BCL2: variants seen among roughly 807,000 people sequenced by gnomAD.
BCL2 encodes the protein BCL2 apoptosis regulator.
BCL2 carries 1 observed loss-of-function variant against 14.2 expected under a neutral mutation model. The ratio of observed to expected loss-of-function variants is 0.07; its 90% CI spans 0.02 to 0.33. BCL2 has a LOEUF of 0.33. Ranked by LOEUF, BCL2 falls within the 10% of genes least tolerant of loss-of-function variation. The pLI is 0.99. For synonymous variants in BCL2, 151 were observed against 137.2 expected, an observed-to-expected ratio of 1.10 and a Z score of -0.70; for missense variants, 247 against 305.9, an observed-to-expected ratio of 0.81 and a Z score of 1.44.
At chr18:63,169,332 C>CTTCCTTT (rs1555697348) in intron 2 of BCL2, among the ~76,000 whole-genome samples, 1 of 35,766 alleles carries the variant, frequency 2.8e-5, no homozygotes, top group Non-Finnish European at 4.3e-5. Flanking sequence ...TCTTTCCTTT[C>CTTCCTTT]CTTCCTTTCT....
chr18:63,188,114 T>C (rs1446590997), intron 2 of BCL2, among the ~76,000 whole-genome samples: 1 of 152,196 alleles, frequency 6.6e-6, no homozygotes, highest in Non-Finnish European at 1.5e-5. Flanking sequence ...GAGTGGAAAA[T>C]GCTAGCAAGC....
At chr18:63,246,409 T>G (rs1471039716) in intron 2 of BCL2, among the ~76,000 whole-genome samples, 2 of 152,292 alleles carry the variant, frequency 1.3e-5, no homozygotes, top group Non-Finnish European at 1.5e-5. Flanking sequence ...ACTGTGTAAT[T>G]TATAAAGAAA....
At chr18:63,175,134 C>G (rs1215829964) in intron 2 of BCL2, among the ~76,000 whole-genome samples, 2 of 152,160 alleles carry the variant, frequency 1.3e-5, no homozygotes, top group East Asian at 3.9e-4. Flanking sequence ...AAAGTTCATT[C>G]CCTGGAACTT....
chr18:63,308,432 T>C (rs1913207755), intron 2 of BCL2, among the ~76,000 whole-genome samples: 1 of 152,210 alleles, frequency 6.6e-6, no homozygotes, highest in African/African-American at 2.4e-5. Context: ...ATCTCAGCCT[T>C]CAAAACCTTT....
At chr18:63,244,436 G>A (rs1417403265) in intron 2 of BCL2, among the ~76,000 whole-genome samples, 1 of 152,042 alleles carries the variant, frequency 6.6e-6, no homozygotes, top group Admixed American at 6.5e-5. Flanking sequence ...ACGGGTGCCT[G>A]TAATTCCTGC....
chr18:63,289,045 C>G (rs1047022328), intron 2 of BCL2, among the ~76,000 whole-genome samples: 1 of 152,088 alleles, frequency 6.6e-6, no homozygotes, highest in Non-Finnish European at 1.5e-5. Context: ...ATAGCAAAGC[C>G]ACCATACTTC....
chr18:63,263,322 A>G (rs1331256632), intron 2 of BCL2, among the ~76,000 whole-genome samples: 1 of 152,180 alleles, frequency 6.6e-6, no homozygotes, highest in Non-Finnish European at 1.5e-5. Context: ...GTCCAGTGTA[A>G]TTTTACTTCC....
chr18:63,165,849 T>C (rs1325932674), intron 2 of BCL2, among the ~76,000 whole-genome samples: 1 of 152,250 alleles, frequency 6.6e-6, no homozygotes, highest in Admixed American at 6.5e-5. Flanking sequence ...AAACAAGCTA[T>C]ATGACAATGT....
intron 2 of BCL2, among the ~76,000 whole-genome samples, chr18:63,263,124 G>C (rs577732153): frequency 1.3e-5 from 2 of 152,224 alleles, no homozygotes; most frequent in African/African-American, 2.4e-5. Context: ...CTAGGGGGCA[G>C]CGAGGGTGGA....
chr18:63,167,638 C>T (rs557406366), intron 2 of BCL2, among the ~76,000 whole-genome samples: 24 of 151,840 alleles, frequency 1.6e-4, no homozygotes, highest in African/African-American at 3.6e-4. Flanking sequence ...AAGAATTAGC[C>T]GGATGTTGGC....
At chr18:63,237,029 C>G (rs1910856516) in intron 2 of BCL2, among the ~76,000 whole-genome samples, 1 of 152,150 alleles carries the variant, frequency 6.6e-6, no homozygotes, top group African/African-American at 2.4e-5. Flanking sequence ...CACTCCTGGC[C>G]ACATCACAGC....
At chr18:63,313,430 G>A (rs1913398384) in intron 2 of BCL2, among the ~76,000 whole-genome samples, 1 of 152,208 alleles carries the variant, frequency 6.6e-6, no homozygotes, top group Non-Finnish European at 1.5e-5. Context: ...ACATGTGGTT[G>A]ACAGAAAGGA....
intron 2 of BCL2, among the ~76,000 whole-genome samples, chr18:63,197,690 GA>G (rs1909486372): frequency 6.6e-6 from 1 of 152,078 alleles, no homozygotes; most frequent in African/African-American, 2.4e-5. Context: ...AAGAAAGGAA[GA>G]AGGAAGTGAG....
At chr18:63,167,925 CA>C (rs11348997) in intron 2 of BCL2, among the ~76,000 whole-genome samples, 26,479 of 122,356 alleles carry the variant, frequency 0.22, 2,903 homozygotes, top group East Asian at 0.45. Context: ...GACTCCGTCT[CA>C]AAAAAAAAAA....
intron 2 of BCL2, among the ~76,000 whole-genome samples, chr18:63,148,742 G>C (rs1914575136): frequency 6.6e-6 from 1 of 151,592 alleles, no homozygotes; most frequent in Admixed American, 6.6e-5. Flanking sequence ...TATTATAGAG[G>C]TATCTATTAC....
intron 2 of BCL2, among the ~76,000 whole-genome samples, chr18:63,308,614 C>A (rs1913213568): frequency 6.6e-6 from 1 of 152,100 alleles, no homozygotes; most frequent in South Asian, 2.1e-4. Flanking sequence ...TAATATAGAG[C>A]AAAATCTAGA....
chr18:63,215,064 A>G (rs1233247029), intron 2 of BCL2, among the ~76,000 whole-genome samples: 1 of 152,172 alleles, frequency 6.6e-6, no homozygotes, highest in East Asian at 1.9e-4. Context: ...CTAGAAAGCG[A>G]TAATCATCCC....
In BCL2 at chr18:63,128,034, G is replaced by C; in HGVS notation, c.*591C>G. 1 of 225,566 alleles carries C rather than the reference G, an allele frequency of 4.4e-6. No individual in the cohort carries two copies. Among genetic ancestry groups the C allele is most frequent in the Non-Finnish European group, 8.9e-6 (1 of 112,938 alleles). 14.0% of individuals were successfully genotyped at this position (225,566 alleles called of 1,614,324 possible). On this transcript the variant is annotated 3_prime_UTR_variant, in exon 3 of 3. Transcript: ENST00000333681. ...CTCCCACCAGGTATGCATCATGTGA[G>C]TCATATGCAAAGAGTCTCTTCTTCA...
At chr18:63,217,269 A>G (rs1030999580) in intron 2 of BCL2, among the ~76,000 whole-genome samples, 1 of 152,234 alleles carries the variant, frequency 6.6e-6, no homozygotes, top group Non-Finnish European at 1.5e-5. Context: ...AAGACAAAGA[A>G]ACCGAAAGGC....
Sources: allele counts gnomAD v4.1 joint callset (sites outside exome capture counted in the v4.1 genomes callset), GRCh38; gene constraint gnomAD v4.1.1; transcripts MANE v1.5; gene names NCBI Gene and HGNC (gene_info 2026-07-23, HGNC 2026-07-21).